The following THUMPD3 variants were observed in gnomAD, a reference collection of about 807,000 sequenced individuals.
THUMPD3 encodes THUMP domain 3 tRNA guanosine methyltransferase, also known as tRNA (guanine(6)-N(2))-methyltransferase THUMP3.
Under a neutral mutation model 54.5 loss-of-function variants are expected in THUMPD3, and 44 were observed. That is an observed-to-expected ratio of 0.81 (90% CI 0.63 to 1.04). The LOEUF (loss-of-function observed/expected upper bound fraction) is 1.04. Ranked by LOEUF, THUMPD3 falls within the 50% of genes least tolerant of loss-of-function variation. The probability of loss-of-function intolerance (pLI) is 0.00; values close to 1 mark genes in which losing one functional copy is unlikely to be tolerated. For synonymous variants in THUMPD3, 196 were observed against 201.4 expected (o/e 0.97, Z 0.23); for missense variants, 604 against 601.3 (o/e 1.00, Z -0.05).
intron 1 of THUMPD3, among the ~76,000 whole-genome samples, chr3:9,364,546 C>CAT (rs1287189003): frequency 6.6e-6 from 1 of 152,060 alleles, no homozygotes; most frequent in Non-Finnish European, 1.5e-5. Flanking sequence ...GGGGTTTCAC[C>CAT]ATGTGGGCCA....
rs534130176 is a variant in THUMPD3 at position 9,371,634 on chromosome 3, ATAG to A, written c.807+102_807+104del. The A allele has an allele frequency of 9.5e-4, 1,003 of 1,055,558 alleles. 1 individual carries two copies. The highest frequency in any genetic ancestry group is 1.9e-3 in the South Asian group (122 of 65,262). 65.4% of individuals were successfully genotyped at this position (1,055,558 alleles called of 1,614,324 possible). A position where few individuals can be genotyped will look rare whatever the true frequency, so the allele number is the denominator to read the frequency against. ...TGTTATGCACAATTAAACTGAGGAA[ATAG>A]TAGGGTGTGGTTAAGAAGAGCATAG... On this transcript the variant is annotated intron_variant, in intron 4 of 9. Transcript: ENST00000452837.
chr3:9,376,763 A>C (rs1356817726), intron 5 of THUMPD3, among the ~76,000 whole-genome samples: 2 of 152,236 alleles, frequency 1.3e-5, no homozygotes, highest in Non-Finnish European at 2.9e-5. Context: ...GGGATGCTTC[A>C]TAAAGAGGAT....
intron 3 of THUMPD3, among the ~76,000 whole-genome samples, chr3:9,370,237 A>G (rs769469274): frequency 6.6e-6 from 1 of 151,844 alleles, no homozygotes; most frequent in Non-Finnish European, 1.5e-5. Flanking sequence ...TATAATCACA[A>G]TCCCTACACT....
Position 9,384,884 on chromosome 3 carries a change from G to A in THUMPD3, c.*196G>A, listed in dbSNP as rs567228403. On this transcript the variant is annotated 3_prime_UTR_variant, in exon 10 of 10. Coordinates refer to ENST00000452837, the MANE Select transcript of THUMPD3 (RefSeq NM_001114092.2). ...TATGAGACCAGGCACAGTGGCTCAC[G>A]ACTGTAATTCCAGCAGTTTAGGAAG... The A allele has an allele frequency of 2.6e-5, 16 of 607,768 alleles. No homozygotes were observed. The highest frequency in any genetic ancestry group is 3.7e-5 in the African/African-American group (2 of 54,042). 37.6% of individuals were successfully genotyped at this position (607,768 alleles called of 1,614,324 possible).
chr3:9,383,736 G>A (rs2033104877), intron 8 of THUMPD3, among the ~76,000 whole-genome samples: 1 of 151,734 alleles, frequency 6.6e-6, no homozygotes. Context: ...CGATTCTCCT[G>A]CCTCACCCTC....
chr3:9,382,521 CT>C (rs1360287275), intron 7 of THUMPD3, among the ~76,000 whole-genome samples: 11 of 151,962 alleles, frequency 7.2e-5, no homozygotes, highest in Non-Finnish European at 1.2e-4. Context: ...ATCTGTTTTT[CT>C]TTTAGGCCTC....
At chr3:9,364,341 T>TTTTA (rs943658425) in intron 1 of THUMPD3, among the ~76,000 whole-genome samples, 71 of 151,312 alleles carry the variant, frequency 4.7e-4, no homozygotes, top group Non-Finnish European at 8.9e-4. Context: ...TTATTATTTA[T>TTTTA]TTTATTTATT....
rs1034323762 is a variant in THUMPD3, at chr3:9,365,116, T to C, written c.48T>C (p.Leu16=). 2.5e-6 allele frequency: 4 copies of C among 1,614,048 alleles called. No homozygotes were observed. The highest frequency in any genetic ancestry group is 2.2e-5 in the East Asian group (1 of 44,896). The change falls in exon 2 of 10, where the codon CTT becomes CTC. Residue 16 remains leucine, a synonymous_variant. Coordinates refer to ENST00000452837, the MANE Select transcript of THUMPD3 (RefSeq NM_001114092.2). The part of the protein sequence containing the change: ...EATNQLLDVN[L]HENQKSVQVT... Reference sequence around the variant, plus strand: ...CTAACCAACTCCTAGATGTGAACCTTCATGAGAACCAGAAGTCTGTACAAG... The same window carrying C: ...CTAACCAACTCCTAGATGTGAACCTCCATGAGAACCAGAAGTCTGTACAAG...
chr3:9,373,212 G>A (rs368053300), intron 4 of THUMPD3, among the ~76,000 whole-genome samples: 32 of 152,304 alleles, frequency 2.1e-4, no homozygotes, highest in African/African-American at 7.5e-4. Flanking sequence ...CCCAGAGGAG[G>A]CTGGGTGTGG....
chr3:9,377,034 A>T (rs1165162717), intron 5 of THUMPD3, among the ~76,000 whole-genome samples: 1 of 152,118 alleles, frequency 6.6e-6, no homozygotes, highest in Non-Finnish European at 1.5e-5. Flanking sequence ...CCACAGAGCA[A>T]TTTTTTTATA....
rs71314343 is a variant in THUMPD3, at chr3:9,381,929, G to A, written c.1125-1270G>A. 7.2e-4 allele frequency among the ~76,000 whole-genome samples: 109 copies of A among 150,724 alleles called. 1 individual carries two copies. In the South Asian group the frequency reaches 9.0e-3, roughly 12 times the overall value. ...CAAGTAGCTGGGACTACAGGCACCC[G>A]CCACCATGCCCGGCTTATTTTTTTT... is the stretch of plus-strand genomic sequence containing the variant. On this transcript the variant is annotated intron_variant, in intron 7 of 9. Coordinates refer to ENST00000452837, the MANE Select transcript of THUMPD3 (RefSeq NM_001114092.2).
At chr3:9,377,710 TC>T in intron 5 of THUMPD3, 108 bp from the exon 6 acceptor site, 1 of 759,222 alleles carries the variant, frequency 1.3e-6, no homozygotes, top group Non-Finnish European at 2.2e-6. Context: ...AGATTGGTGT[TC>T]CTTCGGGCTA....
chr3:9,378,965 G>A (rs1365302058), intron 6 of THUMPD3, among the ~76,000 whole-genome samples: 1 of 151,714 alleles, frequency 6.6e-6, no homozygotes, highest in Non-Finnish European at 1.5e-5. Context: ...AATAAAGGCC[G>A]AAAAAAATTA....
chr3:9,372,831 T>C (rs2032165688), intron 4 of THUMPD3, among the ~76,000 whole-genome samples: 1 of 152,226 alleles, frequency 6.6e-6, no homozygotes, highest in Admixed American at 6.5e-5. Flanking sequence ...GCAGCTGATA[T>C]ATTTACCAAA....
intron 5 of THUMPD3, among the ~76,000 whole-genome samples, chr3:9,375,833 G>T (rs1384294838): frequency 6.6e-6 from 1 of 152,198 alleles, no homozygotes; most frequent in Non-Finnish European, 1.5e-5. Flanking sequence ...GTAGTCAGTT[G>T]TAACGCAGTG....
chr3:9,385,713 G>GT lies in THUMPD3; in HGVS notation c.*1026dup, dbSNP rs2033286462. On this transcript the variant is annotated 3_prime_UTR_variant, in exon 10 of 10. Coordinates refer to ENST00000452837, the MANE Select transcript of THUMPD3 (RefSeq NM_001114092.2). Reference sequence around the variant, plus strand: ...TGTTTTTCTTTCAGTACACTAAGGTGTGTGTTTTCAAAACCAAACACAAAC... The same window carrying GT: ...TGTTTTTCTTTCAGTACACTAAGGTGTTGTGTTTTCAAAACCAAACACAAAC... The GT allele has an allele frequency of 1.3e-5, 2 of 152,340 alleles. No homozygotes were observed. Among genetic ancestry groups the GT allele is most frequent in the African/African-American group, 4.8e-5 (2 of 41,576 alleles). The allele number at this position is 152,340 out of a possible 1,614,324, so 9.4% of individuals were successfully genotyped here.
At chr3:9,365,434 C>A (rs569453396) in intron 2 of THUMPD3, 114 bp downstream of exon 2, 461 of 1,323,670 alleles carry the variant, frequency 3.5e-4, no homozygotes, top group Non-Finnish European at 4.4e-4. Context: ...TGCCCCAAAT[C>A]AGGTGATTTT....
At chr3:9,377,195 T>C (rs1289020097) in intron 5 of THUMPD3, among the ~76,000 whole-genome samples, 1 of 152,140 alleles carries the variant, frequency 6.6e-6, no homozygotes, top group Non-Finnish European at 1.5e-5. Context: ...TCAAAAAGTA[T>C]GCATGAGCGT....
At chr3:9,368,729 A>G (rs1419211752) in intron 3 of THUMPD3, among the ~76,000 whole-genome samples, 1 of 152,212 alleles carries the variant, frequency 6.6e-6, no homozygotes. Flanking sequence ...TAGTTAATAC[A>G]TGTATTTGGA....
Sources: gnomAD v4.1 joint callset for allele counts (sites outside exome capture counted in the v4.1 genomes callset) on GRCh38, gnomAD v4.1.1 for gene constraint, MANE v1.5 for transcripts, NCBI Gene and HGNC (gene_info 2026-07-23, HGNC 2026-07-21) for gene names.